The following CSMD1 variants were observed in gnomAD, a reference collection of about 807,000 sequenced individuals.
CSMD1 encodes the protein CUB and Sushi multiple domains 1, also known as CUB and sushi domain-containing protein 1.
In CSMD1, 213 loss-of-function variants were observed where a neutral mutation model predicts 417.5. The observed-to-expected ratio is 0.51, with a 90% CI of 0.46 to 0.57. The LOEUF is 0.57. Ranked by LOEUF, CSMD1 falls within the 20% of genes least tolerant of loss-of-function variation. The pLI, the probability that CSMD1 is intolerant of heterozygous loss-of-function variation, is 0.00. For missense variants in CSMD1, 6,923 were observed against 4,529.7 expected, an observed-to-expected ratio of 1.53 and a Z score of -15.17; for synonymous variants, 2,862 against 1,736.8, an observed-to-expected ratio of 1.65 and a Z score of -16.11.
At chr8:4,047,119 A>G (rs1256240878) in intron 3 of CSMD1, among the ~76,000 whole-genome samples, 1 of 152,162 alleles carries the variant, frequency 6.6e-6, no homozygotes, top group Admixed American at 6.5e-5. Context: ...CTTCAATGGA[A>G]GCTGTGGAAG....
intron 5 of CSMD1, among the ~76,000 whole-genome samples, chr8:3,760,157 G>C (rs781028705): frequency 1.3e-5 from 2 of 152,050 alleles, no homozygotes; most frequent in Admixed American, 1.3e-4. Flanking sequence ...AGGGAATTTT[G>C]ACATGCCCTA....
chr8:4,755,783 G>A (rs118011876), intron 1 of CSMD1, among the ~76,000 whole-genome samples: 3,131 of 152,196 alleles, frequency 0.021, 54 homozygotes, highest in Middle Eastern at 0.058. Context: ...ATGTCTTCAT[G>A]AACGCTATTT....
intron 54 of CSMD1, among the ~76,000 whole-genome samples, chr8:2,994,104 C>T (rs1340192507): frequency 7.7e-6 from 1 of 130,504 alleles, no homozygotes; most frequent in Non-Finnish European, 1.5e-5. Flanking sequence ...TGAGATGGCG[C>T]CATTGCACTC....
intron 1 of CSMD1, among the ~76,000 whole-genome samples, chr8:4,914,164 G>C (rs916001621): frequency 1.3e-5 from 2 of 152,160 alleles, no homozygotes; most frequent in Non-Finnish European, 2.9e-5. Flanking sequence ...TAAAGTTAAA[G>C]AAACAAAAGC....
chr8:4,035,504 C>T (rs1024841877), intron 3 of CSMD1, among the ~76,000 whole-genome samples: 3 of 152,146 alleles, frequency 2.0e-5, no homozygotes, highest in East Asian at 1.9e-4. Context: ...CTGTCCTTGC[C>T]CCGAAGACCT....
intron 4 of CSMD1, among the ~76,000 whole-genome samples, chr8:4,024,288 G>T (rs1796947929): frequency 6.6e-6 from 1 of 152,132 alleles, no homozygotes; most frequent in South Asian, 2.1e-4. Flanking sequence ...AAAGCATGAA[G>T]AATAATGTAA....
At chr8:3,744,504 A>C (rs943642099) in intron 6 of CSMD1, among the ~76,000 whole-genome samples, 2 of 152,186 alleles carry the variant, frequency 1.3e-5, no homozygotes, top group Non-Finnish European at 2.9e-5. Flanking sequence ...AAAATAAATA[A>C]ATAAATAAAT....
chr8:4,259,724 A>G (rs1803737822), intron 3 of CSMD1, among the ~76,000 whole-genome samples: 2 of 152,140 alleles, frequency 1.3e-5, no homozygotes, highest in Admixed American at 6.5e-5. Context: ...TTTTGCCACA[A>G]ATATATACAC....
rs552133570 is a variant in CSMD1, at chr8:3,482,811, T to A, written c.1448+10812A>T. 1.4e-4 allele frequency among the ~76,000 whole-genome samples: 21 copies of A among 152,110 alleles called. No homozygotes were observed. The East Asian group carries it at 2.9e-3, about 21-fold the overall frequency. On this transcript the variant is annotated intron_variant, in intron 11 of 69. Coordinates refer to ENST00000635120, the MANE Select transcript of CSMD1 (RefSeq NM_033225.6). ...GATCACAAAGGAATCAAACTAGAAA[T>A]CAGTTATTAAAAGGCAGTAGAAAAA... is the stretch of plus-strand genomic sequence containing the variant.
intron 5 of CSMD1, among the ~76,000 whole-genome samples, chr8:3,893,990 TCTC>T (rs1201583353): frequency 2.0e-5 from 3 of 151,766 alleles, no homozygotes; most frequent in African/African-American, 7.3e-5. Context: ...CCTCTTCCCA[TCTC>T]CTTATGAATA....
intron 3 of CSMD1, among the ~76,000 whole-genome samples, chr8:4,399,975 G>A (rs952360120): frequency 6.6e-6 from 1 of 152,132 alleles, no homozygotes; most frequent in African/African-American, 2.4e-5. Flanking sequence ...ATTAGCACCA[G>A]GTTGATAAGC....
intron 23 of CSMD1, among the ~76,000 whole-genome samples, chr8:3,330,480 C>A (rs1250534860): frequency 6.6e-6 from 1 of 152,156 alleles, no homozygotes; most frequent in South Asian, 2.1e-4. Context: ...TTATCGTTAG[C>A]AAACTAAGGC....
At chr8:4,749,279 C>G (rs1811155919) in intron 1 of CSMD1, among the ~76,000 whole-genome samples, 1 of 152,210 alleles carries the variant, frequency 6.6e-6, no homozygotes, top group Non-Finnish European at 1.5e-5. Flanking sequence ...AATTTTACTA[C>G]AGATTTCTTC....
At position 3,462,823 on chromosome 8, in the gene CSMD1, A is replaced by T. The variant is rs972112104; in HGVS notation, c.1561+5889T>A. ...TTATCTAAGAACCTGATGTGGTCTG[A>T]CTGTTTGTGTCCCTCCAAATTCCTA... On this transcript the variant is annotated intron_variant, in intron 12 of 69. Coordinates refer to ENST00000635120, the MANE Select transcript of CSMD1 (RefSeq NM_033225.6). Among the ~76,000 whole-genome samples, 35 of 152,138 alleles carry T rather than the reference A, an allele frequency of 2.3e-4. 1 individual carries two copies. Among genetic ancestry groups the T allele is most frequent in the Admixed American group, 6.5e-5 (1 of 15,284 alleles).
chr8:4,640,913 C>G (rs1234897208), intron 1 of CSMD1, among the ~76,000 whole-genome samples: 1 of 148,938 alleles, frequency 6.7e-6, no homozygotes, highest in Non-Finnish European at 1.5e-5. Context: ...TAAACTGACA[C>G]CGGAAGTCAC....
chr8:3,459,532 T>G lies in CSMD1; in HGVS notation c.1561+9180A>C, dbSNP rs576732070. Among the ~76,000 whole-genome samples the G allele has an allele frequency of 6.6e-5, 10 of 152,176 alleles. No individual in the cohort carries two copies. In the East Asian group the frequency reaches 1.6e-3, roughly 24 times the overall value. Reference sequence around the variant, plus strand: ...GAGACACGGATGAGAGCAGAGAACATGATAAATGCAGGTACATGGGAGATC... The same window carrying G: ...GAGACACGGATGAGAGCAGAGAACAGGATAAATGCAGGTACATGGGAGATC... On this transcript the variant is annotated intron_variant, in intron 12 of 69. Transcript: ENST00000635120.
chr8:3,298,393 G>A (rs751359273), intron 25 of CSMD1, among the ~76,000 whole-genome samples: 3 of 152,120 alleles, frequency 2.0e-5, no homozygotes, highest in East Asian at 1.9e-4. Flanking sequence ...ATATCTAACG[G>A]TATCAATGGG....
chr8:3,456,003 G>C (rs1294921285), intron 12 of CSMD1, among the ~76,000 whole-genome samples: 2 of 152,048 alleles, frequency 1.3e-5, no homozygotes, highest in South Asian at 4.1e-4. Flanking sequence ...CTCAAGCCTG[G>C]GCAATGGTGG....
At chr8:4,829,493 G>A (rs1800018879) in intron 1 of CSMD1, among the ~76,000 whole-genome samples, 1 of 152,098 alleles carries the variant, frequency 6.6e-6, no homozygotes, top group African/African-American at 2.4e-5. Context: ...TGTAATCTCA[G>A]CACTTTACCA....
Sources: allele counts gnomAD v4.1 joint callset (sites outside exome capture counted in the v4.1 genomes callset), GRCh38; gene constraint gnomAD v4.1.1; transcripts MANE v1.5; gene names NCBI Gene and HGNC (gene_info 2026-07-23, HGNC 2026-07-21).